The following TAFA1 variants were observed in gnomAD, a reference collection of about 807,000 sequenced individuals.
The protein encoded by TAFA1 is TAFA chemokine like family member 1.
A neutral mutation model predicts 18.5 loss-of-function variants in TAFA1; 4 were observed. The observed-to-expected ratio is 0.22, with a 90% CI of 0.11 to 0.49. The LOEUF is 0.49. TAFA1 is among the 20% of genes least tolerant of loss of function. TAFA1 has a pLI of 0.98. For missense variants in TAFA1, 147 were observed against 169.0 expected (o/e 0.87, Z 0.72); for synonymous variants, 56 against 55.2 (o/e 1.01, Z -0.06).
intron 2 of TAFA1, among the ~76,000 whole-genome samples, chr3:68,267,761 T>A (rs1052370202): frequency 6.6e-6 from 1 of 152,138 alleles, no homozygotes; most frequent in African/African-American, 2.4e-5. Flanking sequence ...CTTATATGAC[T>A]CTATGCATGT....
chr3:68,419,884 A>G (rs1385861500), intron 3 of TAFA1, among the ~76,000 whole-genome samples: 3 of 152,188 alleles, frequency 2.0e-5, no homozygotes, highest in Admixed American at 6.5e-5. Context: ...TGGAATTCGT[A>G]AATTCTTCAG....
At chr3:68,019,877 T>C (rs915660874) in intron 2 of TAFA1, among the ~76,000 whole-genome samples, 10 of 152,232 alleles carry the variant, frequency 6.6e-5, no homozygotes, top group African/African-American at 1.9e-4. Flanking sequence ...GATTTTGCTC[T>C]AGCAGACATT....
At chr3:68,274,588 G>A (rs1417248577) in intron 2 of TAFA1, among the ~76,000 whole-genome samples, 1 of 152,162 alleles carries the variant, frequency 6.6e-6, no homozygotes, top group East Asian at 1.9e-4. Flanking sequence ...CTGAATTGCT[G>A]TGGGAAGCAA....
intron 2 of TAFA1, among the ~76,000 whole-genome samples, chr3:68,007,605 C>CCTCA (rs1704381133): frequency 6.6e-6 from 1 of 151,226 alleles, no homozygotes; most frequent in Non-Finnish European, 1.5e-5. Context: ...CTCCACCCCA[C>CCTCA]CTCCCTCCCT....
At chr3:68,219,658 T>G (rs1164899112) in intron 2 of TAFA1, among the ~76,000 whole-genome samples, 1 of 152,114 alleles carries the variant, frequency 6.6e-6, no homozygotes, top group African/African-American at 2.4e-5. Context: ...GCTTCACCTT[T>G]TAAACATTTC....
intron 3 of TAFA1, among the ~76,000 whole-genome samples, chr3:68,493,153 C>T (rs1030125887): frequency 1.3e-5 from 2 of 152,016 alleles, no homozygotes; most frequent in Non-Finnish European, 2.9e-5. Flanking sequence ...CCCTTTTCTC[C>T]CTCTTCCTCG....
chr3:68,407,847 A>T (rs1490809409), intron 2 of TAFA1, among the ~76,000 whole-genome samples: 1 of 152,066 alleles, frequency 6.6e-6, no homozygotes, highest in African/African-American at 2.4e-5. Flanking sequence ...TGGGAGAGAA[A>T]GGATGGGAAT....
chr3:68,221,227 T>A (rs577806536), intron 2 of TAFA1, among the ~76,000 whole-genome samples: 1 of 152,282 alleles, frequency 6.6e-6, no homozygotes, highest in South Asian at 2.1e-4. Flanking sequence ...TCTAATTAAC[T>A]TTTCTTACTG....
intron 2 of TAFA1, among the ~76,000 whole-genome samples, chr3:68,394,767 C>T (rs1047035221): frequency 1.3e-5 from 2 of 152,028 alleles, no homozygotes; most frequent in Non-Finnish European, 2.9e-5. Context: ...TGAAACTGAA[C>T]CTCTTCCTTA....
intron 2 of TAFA1, among the ~76,000 whole-genome samples, chr3:68,374,474 T>C (rs540446501): frequency 9.9e-4 from 151 of 152,304 alleles, no homozygotes; most frequent in African/African-American, 3.3e-3. Context: ...AACTCTTCTG[T>C]GTACAATCAA....
intron 2 of TAFA1, chr3:68,145,260 T>A (rs990331711): frequency 8.9e-6 from 7 of 788,004 alleles, no homozygotes; most frequent in Non-Finnish European, 1.6e-5. Flanking sequence ...CAGAGAGATT[T>A]CCCTGGGATC....
chr3:68,029,305 CT>C (rs1230141300), intron 2 of TAFA1, among the ~76,000 whole-genome samples: 3 of 151,994 alleles, frequency 2.0e-5, no homozygotes, highest in African/African-American at 4.8e-5. Flanking sequence ...AGATAGTTTA[CT>C]TTTTTTTCTG....
chr3:68,333,584 A>G (rs1553677124), intron 2 of TAFA1, among the ~76,000 whole-genome samples: 1 of 152,204 alleles, frequency 6.6e-6, no homozygotes, highest in Non-Finnish European at 1.5e-5. Flanking sequence ...AAATCTACCT[A>G]TATAAAAAAC....
At chr3:68,176,652 T>C (rs140033670) in intron 2 of TAFA1, among the ~76,000 whole-genome samples, 1 of 152,322 alleles carries the variant, frequency 6.6e-6, no homozygotes, top group African/African-American at 2.4e-5. Context: ...CACATACACA[T>C]ACATATTTAC....
At chr3:68,500,780 A>T (rs949823509) in intron 3 of TAFA1, among the ~76,000 whole-genome samples, 4 of 152,146 alleles carry the variant, frequency 2.6e-5, no homozygotes, top group Admixed American at 2.0e-4. Flanking sequence ...TGATTAATCA[A>T]GATGAAGGCA....
intron 2 of TAFA1, chr3:68,145,094 A>AT (rs749833346): frequency 1.6e-6 from 2 of 1,228,516 alleles, no homozygotes; most frequent in Non-Finnish European, 2.4e-6. Flanking sequence ...CCCTGGAGGA[A>AT]TTGCTACACC....
At chr3:68,268,065 A>G (rs966158657) in intron 2 of TAFA1, among the ~76,000 whole-genome samples, 2 of 152,070 alleles carry the variant, frequency 1.3e-5, no homozygotes, top group African/African-American at 4.8e-5. Flanking sequence ...AAAATTTCTG[A>G]CTTTGTTTCA....
intron 3 of TAFA1, among the ~76,000 whole-genome samples, chr3:68,451,125 GT>G (rs765068581): frequency 6.6e-6 from 1 of 152,152 alleles, no homozygotes; most frequent in Non-Finnish European, 1.5e-5. Context: ...GGGTAGCCCA[GT>G]TTATGCCCGT....
chr3:68,099,736 A>G (rs534706461), intron 2 of TAFA1, among the ~76,000 whole-genome samples: 2 of 152,278 alleles, frequency 1.3e-5, no homozygotes, highest in Non-Finnish European at 2.9e-5. Flanking sequence ...GCAAAGACAT[A>G]TAATCAACAT....
Sources: allele counts gnomAD v4.1 joint callset (sites outside exome capture counted in the v4.1 genomes callset), GRCh38; gene constraint gnomAD v4.1.1; transcripts MANE v1.5; gene names NCBI Gene and HGNC (gene_info 2026-07-23, HGNC 2026-07-21).